The following TMEFF2 variants were observed in gnomAD, a reference collection of about 807,000 sequenced individuals.
TMEFF2 encodes tomoregulin-2.
Under a neutral mutation model 53.8 loss-of-function variants are expected in TMEFF2, and 28 were observed. The observed-to-expected ratio is 0.52, with a 90% CI of 0.39 to 0.71. The LOEUF (loss-of-function observed/expected upper bound fraction) is 0.71. TMEFF2 is among the 30% of genes least tolerant of loss of function. The pLI is 0.00. For synonymous variants in TMEFF2, 162 were observed against 166.3 expected (o/e 0.97, Z 0.20); for missense variants, 353 against 455.2 (o/e 0.78, Z 2.04).
intron 1 of TMEFF2, 65 bp from the exon 2 acceptor site, chr2:192,192,054 C>G (rs1198903775): frequency 7.7e-6 from 9 of 1,163,558 alleles, no homozygotes; most frequent in Non-Finnish European, 1.1e-5. Flanking sequence ...AAAAAAAGCA[C>G]TACTTTGAAG....
chr2:192,085,956 C>T (rs752950574), intron 4 of TMEFF2, among the ~76,000 whole-genome samples: 4 of 152,142 alleles, frequency 2.6e-5, no homozygotes, highest in Non-Finnish European at 5.9e-5. Flanking sequence ...CGAAATGCTG[C>T]TATGATCTTT....
At chr2:192,090,728 G>T (rs535883020) in intron 4 of TMEFF2, among the ~76,000 whole-genome samples, 1 of 152,108 alleles carries the variant, frequency 6.6e-6, no homozygotes, top group Non-Finnish European at 1.5e-5. Flanking sequence ...TTAGTACAGC[G>T]TTAATCAATT....
At chr2:192,087,073 A>C (rs951972338) in intron 4 of TMEFF2, among the ~76,000 whole-genome samples, 6 of 150,712 alleles carry the variant, frequency 4.0e-5, no homozygotes, top group African/African-American at 7.3e-5. Context: ...TATATAAATT[A>C]TGTATTTATT....
At position 191,966,527 on chromosome 2, in the gene TMEFF2, A is replaced by G. The variant is rs781317190; in HGVS notation, c.746-10149T>C. ...ATCACAGTGGAACTATGTATGGTCA[A>G]TTCTGAATTAACAGATTCTAATTTG... On this transcript the variant is annotated intron_variant, in intron 7 of 9. Coordinates refer to ENST00000272771, the MANE Select transcript of TMEFF2 (RefSeq NM_016192.4). Among the ~76,000 whole-genome samples the G allele has an allele frequency of 5.9e-5, 9 of 152,294 alleles. No homozygotes were observed. In the South Asian group the frequency reaches 8.3e-4, roughly 14 times the overall value.
chr2:192,143,630 T>C (rs1690187158), intron 4 of TMEFF2, among the ~76,000 whole-genome samples: 1 of 152,282 alleles, frequency 6.6e-6, no homozygotes, highest in Middle Eastern at 3.4e-3. Context: ...ATAATAAATA[T>C]GCTTTTACCT....
rs563892823 is a variant in TMEFF2, at chr2:192,108,495, T to C, written c.440-50720A>G. On this transcript the variant is annotated intron_variant, in intron 4 of 9. Transcript: ENST00000272771. ...ACCTTCGTGTTTAAATTCTTTAATG[T>C]CGTTAACACATTGCAACAAATTCTT... 3.1e-4 allele frequency among the ~76,000 whole-genome samples: 47 copies of C among 152,064 alleles called. No homozygotes were observed. In the South Asian group the frequency reaches 9.5e-3, roughly 31 times the overall value.
chr2:191,991,765 T>C (rs1386668116), intron 7 of TMEFF2, among the ~76,000 whole-genome samples: 5 of 152,118 alleles, frequency 3.3e-5, no homozygotes, highest in Admixed American at 3.3e-4. Flanking sequence ...GCAGGATGCG[T>C]TTATGAACTG....
At position 192,092,549 on chromosome 2, in the gene TMEFF2, T is replaced by G. The variant is rs184067099; in HGVS notation, c.440-34774A>C. The stretch of plus-strand genomic sequence containing the variant: ...AGGAAGTTTGTATTGAACGCTATAG[T>G]AGGCAGAATAATGGCCTCTCAAAGA... On this transcript the variant is annotated intron_variant, in intron 4 of 9. Transcript: ENST00000272771. Among the ~76,000 whole-genome samples the G allele has an allele frequency of 5.3e-5, 8 of 152,232 alleles. No individual in the cohort carries two copies. In the East Asian group the frequency reaches 1.5e-3, roughly 29 times the overall value.
At chr2:192,130,793 G>A (rs1354748684) in intron 4 of TMEFF2, among the ~76,000 whole-genome samples, 2 of 151,926 alleles carry the variant, frequency 1.3e-5, no homozygotes, top group Admixed American at 6.5e-5. Flanking sequence ...TCTGTTTGGT[G>A]GTCTCTTCAC....
chr2:192,186,220 G>A (rs915335375), intron 2 of TMEFF2, among the ~76,000 whole-genome samples: 1 of 152,152 alleles, frequency 6.6e-6, no homozygotes, highest in Admixed American at 6.6e-5. Context: ...TGATACCTGT[G>A]TAAGCACTGT....
chr2:191,983,402 T>TTC (rs1338864363), intron 7 of TMEFF2, among the ~76,000 whole-genome samples: 5 of 151,256 alleles, frequency 3.3e-5, no homozygotes, highest in African/African-American at 1.2e-4. Flanking sequence ...TTTTTTTTTT[T>TTC]TTCTCCTGGG....
intron 2 of TMEFF2, among the ~76,000 whole-genome samples, chr2:192,187,959 T>C (rs889220721): frequency 6.6e-6 from 1 of 152,196 alleles, no homozygotes; most frequent in Admixed American, 6.5e-5. Flanking sequence ...TTATGTTTTA[T>C]ATATTGCCAG....
chr2:192,146,914 G>A (rs1355865639), intron 4 of TMEFF2, among the ~76,000 whole-genome samples: 1 of 151,952 alleles, frequency 6.6e-6, no homozygotes, highest in Non-Finnish European at 1.5e-5. Flanking sequence ...AAAGTTCAAA[G>A]GAAAAATTGT....
intron 5 of TMEFF2, among the ~76,000 whole-genome samples, chr2:192,042,311 C>G (rs1040458210): frequency 2.0e-5 from 3 of 152,100 alleles, no homozygotes; most frequent in Non-Finnish European, 4.4e-5. Context: ...TGAGTACATG[C>G]TGTTGGAAAA....
At chr2:192,033,270 A>T (rs895617678) in intron 5 of TMEFF2, among the ~76,000 whole-genome samples, 2 of 152,206 alleles carry the variant, frequency 1.3e-5, no homozygotes, top group Admixed American at 1.3e-4. Flanking sequence ...TTTGAGATAA[A>T]CTTCTTTAGA....
chr2:192,126,718 T>C (rs2105972110), intron 4 of TMEFF2, among the ~76,000 whole-genome samples: 1 of 152,350 alleles, frequency 6.6e-6, no homozygotes, highest in African/African-American at 2.4e-5. Flanking sequence ...ACAGTCATGT[T>C]AGGAAACTGA....
intron 7 of TMEFF2, 40 bp downstream of exon 7, chr2:191,998,222 A>ATAG: frequency 6.7e-7 from 1 of 1,481,870 alleles, no homozygotes; most frequent in Non-Finnish European, 9.2e-7. Flanking sequence ...CTCTCTTTTA[A>ATAG]TAGAAGAGCT....
intron 4 of TMEFF2, among the ~76,000 whole-genome samples, chr2:192,135,771 G>C (rs1008997564): frequency 3.3e-5 from 5 of 152,014 alleles, no homozygotes; most frequent in African/African-American, 9.7e-5. Context: ...AATCACAAAA[G>C]AAGTGAAGAG....
chr2:192,025,306 G>T (rs372410209), intron 5 of TMEFF2, among the ~76,000 whole-genome samples: 1 of 151,898 alleles, frequency 6.6e-6, no homozygotes, highest in African/African-American at 2.4e-5. Flanking sequence ...CTACAACCAA[G>T]TGTGAAGTTA....
Sources: allele counts gnomAD v4.1 joint callset (sites outside exome capture counted in the v4.1 genomes callset), GRCh38; gene constraint gnomAD v4.1.1; transcripts MANE v1.5; gene names NCBI Gene and HGNC (gene_info 2026-07-23, HGNC 2026-07-21).